The following LRRK1 variants were observed in gnomAD, a reference collection of about 807,000 sequenced individuals.
LRRK1 encodes the protein leucine rich repeat kinase 1.
In LRRK1, 113 loss-of-function variants were observed where a neutral mutation model predicts 209.1. The observed-to-expected ratio is 0.54, with a 90% CI of 0.46 to 0.63. The LOEUF (loss-of-function observed/expected upper bound fraction) is 0.63. Among genes scored for constraint, LRRK1 ranks in the 30% least tolerant of loss-of-function variants. The pLI is 0.00. For missense variants in LRRK1, 2,284 were observed against 2,632.2 expected (o/e 0.87, Z 2.89); for synonymous variants, 1,144 against 1,099.7 (o/e 1.04, Z -0.80).
intron 6 of LRRK1, among the ~76,000 whole-genome samples, chr15:100,992,420 T>C (rs1395666262): frequency 3.4e-4 from 51 of 152,198 alleles, no homozygotes; most frequent in Admixed American, 2.9e-3. Flanking sequence ...ATTGACATTT[T>C]TCTCATTCTT....
chr15:100,994,151 G>A (rs544988349), intron 6 of LRRK1, among the ~76,000 whole-genome samples: 12 of 152,310 alleles, frequency 7.9e-5, no homozygotes, highest in African/African-American at 2.9e-4. Context: ...GAACTGCAGG[G>A]AATAGCATCT....
chr15:100,957,758 G>C (rs2042794317), intron 2 of LRRK1, among the ~76,000 whole-genome samples: 1 of 152,222 alleles, frequency 6.6e-6, no homozygotes, highest in South Asian at 2.1e-4. Flanking sequence ...CAGCTACTGT[G>C]TGTCTTTTGA....
chr15:101,054,873 G>A, intron 26 of LRRK1, 73 bp from the exon 27 acceptor site: 1 of 1,291,298 alleles, frequency 7.7e-7, no homozygotes, highest in Non-Finnish European at 1.1e-6. Context: ...CAAAAAGACA[G>A]TTGTTATCAT....
chr15:100,994,791 G>A (rs1020109270), intron 6 of LRRK1, among the ~76,000 whole-genome samples: 3 of 152,130 alleles, frequency 2.0e-5, no homozygotes, highest in African/African-American at 2.4e-5. Flanking sequence ...TGGCTGCCCC[G>A]TCATCTCTAA....
chr15:100,999,435 G>A (rs1439183935), intron 6 of LRRK1, among the ~76,000 whole-genome samples: 2 of 152,198 alleles, frequency 1.3e-5, no homozygotes, highest in African/African-American at 4.8e-5. Flanking sequence ...TTACTGTCAC[G>A]CCCTTGTCTT....
intron 20 of LRRK1, among the ~76,000 whole-genome samples, chr15:101,036,700 T>C (rs1481173253): frequency 6.6e-6 from 1 of 151,696 alleles, no homozygotes; most frequent in Non-Finnish European, 1.5e-5. Context: ...CCTGTGTCCT[T>C]ACATTGATAT....
chr15:100,984,959 G>T (rs114815727), intron 4 of LRRK1, among the ~76,000 whole-genome samples: 38 of 152,264 alleles, frequency 2.5e-4, no homozygotes, highest in Admixed American at 1.3e-3. Flanking sequence ...AAGGGCCCAC[G>T]TTACGTTTAA....
At chr15:101,034,977 T>C (rs1210080457) in intron 20 of LRRK1, among the ~76,000 whole-genome samples, 3 of 152,116 alleles carry the variant, frequency 2.0e-5, no homozygotes, top group Non-Finnish European at 4.4e-5. Context: ...TATTTGGGTC[T>C]TTTCTCTTCT....
intron 23 of LRRK1, among the ~76,000 whole-genome samples, 179 bp from the exon 24 acceptor site, chr15:101,051,532 G>C (rs1272278513): frequency 6.6e-6 from 1 of 152,184 alleles, no homozygotes; most frequent in African/African-American, 2.4e-5. Flanking sequence ...ACAAACAATT[G>C]CGCTCTCCAA....
At chr15:100,956,455 C>CTTTTTTTTTTCTTTTTTTTTT (rs2042762776) in intron 2 of LRRK1, among the ~76,000 whole-genome samples, 16 of 60,520 alleles carry the variant, frequency 2.6e-4, no homozygotes, top group African/African-American at 5.1e-4. Context: ...TTTTTTTTTT[C>CTTTTTTTTTTCTTTTTTTTTT]TTTTTTTTTT....
chr15:101,074,474 G>C lies in LRRK1; in HGVS notation c.*5626G>C, dbSNP rs913607273. 1 of 152,042 alleles carries C rather than the reference G, an allele frequency of 6.6e-6. No individual in the cohort carries two copies. The highest frequency in any genetic ancestry group is 1.5e-5 in the Non-Finnish European group (1 of 68,008). The allele number at this position is 152,042 out of a possible 1,614,324, so 9.4% of individuals were successfully genotyped here. Reference sequence around the variant, plus strand: ...CTTTTTCATCAAATATAAAAACCCAGCCCAGTTCATGCCTCGTTTGGCAGC... The same window carrying C: ...CTTTTTCATCAAATATAAAAACCCACCCCAGTTCATGCCTCGTTTGGCAGC... On this transcript the variant is annotated 3_prime_UTR_variant, in exon 34 of 34. Transcript: ENST00000388948.
At chr15:100,939,966 G>A (rs972138862) in intron 2 of LRRK1, among the ~76,000 whole-genome samples, 1 of 150,612 alleles carries the variant, frequency 6.6e-6, no homozygotes, top group African/African-American at 2.4e-5. Flanking sequence ...TTGCCAGTAG[G>A]CCCCCTGAGT....
At position 100,973,872 on chromosome 15, in the gene LRRK1, G is replaced by T; in HGVS notation, c.166G>T (p.Glu56Ter). ...CCCTGCAGCGCGGTCCCGCAGGACG[G>T]AAGGCATCCGCGCCGCGTACAGGCG... ...GDPAARSRRTEGIRAAYRRGD... is the reference protein window; with the variant it reads ...GDPAARSRRT The change falls in exon 3 of 34, where the codon GAA becomes TAA. Residue 56 changes from glutamate (E) to a stop codon, truncating the protein, a stop_gained. Transcript: ENST00000388948. LOFTEE classifies it high-confidence loss of function. The T allele has an allele frequency of 7.8e-7, 1 of 1,283,884 alleles. No homozygotes were observed. The highest frequency in any genetic ancestry group is 9.9e-7 in the Non-Finnish European group (1 of 1,010,760). The allele number at this position is 1,283,884 out of a possible 1,614,324, so 79.5% of individuals were successfully genotyped here. A position where few individuals can be genotyped will look rare whatever the true frequency, so the allele number is the denominator to read the frequency against.
chr15:101,060,296 G>A (rs1359631716), intron 29 of LRRK1, among the ~76,000 whole-genome samples: 1 of 152,126 alleles, frequency 6.6e-6, no homozygotes, highest in Non-Finnish European at 1.5e-5. Flanking sequence ...GCAGGGAACA[G>A]GGGCAATTAT....
intron 2 of LRRK1, among the ~76,000 whole-genome samples, chr15:100,928,389 A>G (rs966667815): frequency 6.6e-6 from 1 of 152,086 alleles, no homozygotes; most frequent in African/African-American, 2.4e-5. Context: ...ACCTTCTCCT[A>G]GACTTCCTGG....
chr15:101,009,439 AGG>A, intron 7 of LRRK1, among the ~76,000 whole-genome samples: 1 of 152,178 alleles, frequency 6.6e-6, no homozygotes, highest in East Asian at 1.9e-4. Context: ...CCTCAGAGAA[AGG>A]GTTAACTCTG....
At chr15:101,051,996 G>A (rs778001169) in intron 24 of LRRK1, 36 bp downstream of exon 24, 2 of 1,594,390 alleles carry the variant, frequency 1.3e-6, no homozygotes, top group East Asian at 2.2e-5. Context: ...ACACAGTGCA[G>A]GTCACAGGGG....
Position 101,061,169 on chromosome 15 carries a change from A to G in LRRK1, c.4680-2A>G. On this transcript the variant is annotated splice_acceptor_variant, in intron 29 of 33. Coordinates refer to ENST00000388948, the MANE Select transcript of LRRK1 (RefSeq NM_024652.6). LOFTEE classifies it high-confidence loss of function. ...TGACAGCACAGTTTCTGCCACTTAC[A>G]GGAACTACACGGTGGTGAACACAGA... The G allele has an allele frequency of 2.8e-6, 4 of 1,415,026 alleles. No homozygotes were observed. Among genetic ancestry groups the G allele is most frequent in the Non-Finnish European group, 3.0e-6 (3 of 1,016,938 alleles). 87.7% of individuals were successfully genotyped at this position (1,415,026 alleles called of 1,614,324 possible). A position where few individuals can be genotyped will look rare whatever the true frequency, so the allele number is the denominator to read the frequency against.
intron 6 of LRRK1, among the ~76,000 whole-genome samples, chr15:100,994,707 A>G (rs1181308929): frequency 1.3e-5 from 2 of 152,226 alleles, no homozygotes; most frequent in Non-Finnish European, 2.9e-5. Context: ...GGGCTCCTTG[A>G]GCTTCCCCAA....
Sources: gnomAD v4.1 joint callset for allele counts (sites outside exome capture counted in the v4.1 genomes callset) on GRCh38, gnomAD v4.1.1 for gene constraint, MANE v1.5 for transcripts, NCBI Gene and HGNC (gene_info 2026-07-23, HGNC 2026-07-21) for gene names.